NUP35: variants seen among roughly 807,000 people sequenced by gnomAD.
NUP35 encodes the protein nucleoporin 35.
Under a neutral mutation model 41.5 loss-of-function variants are expected in NUP35, and 25 were observed. That is an observed-to-expected ratio of 0.60 (90% CI 0.44 to 0.84). NUP35 has a LOEUF of 0.84. NUP35 is among the 40% of genes least tolerant of loss of function. NUP35 has a pLI of 0.00. For missense variants in NUP35, 396 were observed against 396.6 expected (o/e 1.00, Z 0.01); for synonymous variants, 149 against 130.7 (o/e 1.14, Z -0.96).
intron 2 of NUP35, among the ~76,000 whole-genome samples, chr2:183,129,973 C>T (rs564891119): frequency 6.6e-6 from 1 of 152,274 alleles, no homozygotes; most frequent in South Asian, 2.1e-4. Flanking sequence ...TCTAGATAGT[C>T]AAACTCTACA....
chr2:183,144,975 T>C (rs904265402), intron 4 of NUP35, among the ~76,000 whole-genome samples: 1 of 152,230 alleles, frequency 6.6e-6, no homozygotes, highest in African/African-American at 2.4e-5. Flanking sequence ...ATTTCTTGCT[T>C]GAAGATTATT....
At chr2:183,123,134 A>G (rs1314438567), upstream of NUP35, among the ~76,000 whole-genome samples, 1 of 152,204 alleles carries the variant, frequency 6.6e-6, no homozygotes, top group African/African-American at 2.4e-5. Context: ...AGCTTGAAAA[A>G]GCAAGGTAAT....
At chr2:183,140,971 C>T (rs1326194540) in intron 4 of NUP35, among the ~76,000 whole-genome samples, 1 of 152,160 alleles carries the variant, frequency 6.6e-6, no homozygotes, top group African/African-American at 2.4e-5. Context: ...TATTAGTTTA[C>T]TCTTGCCATT....
At chr2:183,148,799 C>T (rs550637419) in intron 4 of NUP35, among the ~76,000 whole-genome samples, 18 of 152,232 alleles carry the variant, frequency 1.2e-4, no homozygotes, top group African/African-American at 4.1e-4. Flanking sequence ...GCTGGGACCA[C>T]AGGCACACAC....
At chr2:183,138,269 A>ATATATATAT in intron 4 of NUP35, among the ~76,000 whole-genome samples, 1 of 80,698 alleles carries the variant, frequency 1.2e-5, no homozygotes, top group African/African-American at 6.2e-5. Context: ...ATATATATAT[A>ATATATATAT]TTTTTTTTTT....
chr2:183,152,995 A>G (rs984510291), intron 5 of NUP35, among the ~76,000 whole-genome samples: 1 of 152,232 alleles, frequency 6.6e-6, no homozygotes, highest in Non-Finnish European at 1.5e-5. Flanking sequence ...CAGGCCTCAG[A>G]ATCATGGTGG....
Position 183,158,318 on chromosome 2 carries a change from T to G in NUP35, c.645T>G (p.Tyr215Ter). ...SNTGNWMHIR[Y>*]QSKLQARKAL... ...CAGGAAATTGGATGCATATTCGTTA[T>G]CAATCTAAACTGCAGGCTCGGAAAG... is the stretch of plus-strand genomic sequence containing the variant. Residue 215 changes from tyrosine (Y) to a stop codon, truncating the protein, a stop_gained, in exon 7 of 9, where the codon TAT (tyrosine) becomes TAG (stop). Coordinates refer to ENST00000295119, the MANE Select transcript of NUP35 (RefSeq NM_138285.5). LOFTEE classifies it high-confidence loss of function. 1 of 1,604,726 alleles carries G rather than the reference T, an allele frequency of 6.2e-7. No homozygotes were observed. The highest frequency in any genetic ancestry group is 8.5e-7 in the Non-Finnish European group (1 of 1,174,530).
At chr2:183,131,521 G>A (rs1291577277) in intron 3 of NUP35, among the ~76,000 whole-genome samples, 2 of 152,158 alleles carry the variant, frequency 1.3e-5, no homozygotes, top group South Asian at 2.1e-4. Flanking sequence ...AGGCTTACTT[G>A]TCAAGTAAAG....
intron 5 of NUP35, among the ~76,000 whole-genome samples, chr2:183,153,473 T>G (rs1028474640): frequency 6.6e-6 from 1 of 152,100 alleles, no homozygotes; most frequent in Non-Finnish European, 1.5e-5. Context: ...ATACAGCCAT[T>G]CCAAATGGGA....
At chr2:183,122,043 C>T (rs2105526055), upstream of NUP35, among the ~76,000 whole-genome samples, 1 of 150,472 alleles carries the variant, frequency 6.6e-6, no homozygotes, top group South Asian at 2.1e-4. Context: ...TTCTACTTTA[C>T]TGTTAATAGT....
At position 183,131,002 on chromosome 2, in the gene NUP35, A is replaced by G. The variant is rs575435910; in HGVS notation, c.339+457A>G. 3.1e-4 allele frequency: 305 copies of G among 989,638 alleles called. No homozygotes were observed. In the African/African-American group the frequency reaches 4.7e-3, roughly 15 times the overall value. 61.3% of individuals were successfully genotyped at this position (989,638 alleles called of 1,614,324 possible). On this transcript the variant is annotated intron_variant, in intron 3 of 8. Transcript: ENST00000295119. ...ATTTTCTTCTTTTTTTAGGGTCCCC[A>G]ACAGGGTCCTGATCAGTTGCCCAGG...
Position 183,130,593 on chromosome 2 carries a change from A to G in NUP35, c.339+48A>G, listed in dbSNP as rs529733786. 1.0e-5 allele frequency: 16 copies of G among 1,585,982 alleles called. No individual in the cohort carries two copies. The Middle Eastern group carries it at 1.2e-3, about 117-fold the overall frequency. On this transcript the variant is annotated intron_variant, in intron 3 of 8. Transcript: ENST00000295119. ...CCCCAATGAACAACATCATGGTTTT[A>G]TGTGTCTGTTCAGTGAGAGTCAATA... is the stretch of plus-strand genomic sequence containing the variant.
chr2:183,130,373 A>G, intron 2 of NUP35, 45 bp from the exon 3 acceptor site: 1 of 1,515,444 alleles, frequency 6.6e-7, no homozygotes, highest in Non-Finnish European at 8.8e-7. Flanking sequence ...AAATCTTACC[A>G]AAAAGAAGAA....
Position 183,158,424 on chromosome 2 carries a change from T to G in NUP35, c.738+13T>G. 2 of 1,584,698 alleles carry G rather than the reference T, an allele frequency of 1.3e-6. No individual in the cohort carries two copies. Among genetic ancestry groups the G allele is most frequent in the Non-Finnish European group, 1.7e-6 (2 of 1,163,524 alleles). On this transcript the variant is annotated intron_variant, in intron 7 of 8. Transcript: ENST00000295119. ...ATGTATTGACAAAGTAAGTTATTGGTGATGTAGGCAAAGTAGCTTAATCTA... is the reference window on the plus strand; with the variant it reads ...ATGTATTGACAAAGTAAGTTATTGGGGATGTAGGCAAAGTAGCTTAATCTA...
At chr2:183,155,428 T>C (rs950906857) in intron 5 of NUP35, among the ~76,000 whole-genome samples, 2 of 152,224 alleles carry the variant, frequency 1.3e-5, no homozygotes, top group East Asian at 1.9e-4. Context: ...TTATGTGTTA[T>C]TGATTTCTAT....
chr2:183,147,445 C>T lies in NUP35; in HGVS notation c.398-4063C>T, dbSNP rs116601000. 2.4e-3 allele frequency among the ~76,000 whole-genome samples: 360 copies of T among 152,158 alleles called. 2 individuals carry two copies. Among genetic ancestry groups the T allele is most frequent in the African/African-American group, 8.3e-3 (344 of 41,508 alleles). ...TGCACCATCTATTGAGTAAGGCATC[C>T]TTTATCCATTTTTTATTTTTGCCAA... On this transcript the variant is annotated intron_variant, in intron 4 of 8. Coordinates refer to ENST00000295119, the MANE Select transcript of NUP35 (RefSeq NM_138285.5).
intron 4 of NUP35, among the ~76,000 whole-genome samples, chr2:183,137,316 A>G (rs915404973): frequency 6.6e-6 from 1 of 152,184 alleles, no homozygotes; most frequent in African/African-American, 2.4e-5. Flanking sequence ...GAGTCATGCC[A>G]GGTGCCACTG....
At chr2:183,130,720 T>G (rs1021438587) in intron 3 of NUP35, among the ~76,000 whole-genome samples, 175 bp downstream of exon 3, 3 of 152,218 alleles carry the variant, frequency 2.0e-5, no homozygotes, top group African/African-American at 7.2e-5. Flanking sequence ...GATGATGAAC[T>G]GTACTTAACA....
chr2:183,130,387 CTTTT>C (rs34173657), intron 2 of NUP35, 27 bp from the exon 3 acceptor site: 5,390 of 1,262,746 alleles, frequency 4.3e-3, no homozygotes, highest in Middle Eastern at 5.9e-3. Flanking sequence ...AGAAGAATCC[CTTTT>C]TTTTTTTTTT....
Sources: gnomAD v4.1 joint callset for allele counts (sites outside exome capture counted in the v4.1 genomes callset) on GRCh38, gnomAD v4.1.1 for gene constraint, MANE v1.5 for transcripts, NCBI Gene and HGNC (gene_info 2026-07-23, HGNC 2026-07-21) for gene names.